The following HADHA variants were observed in gnomAD, a reference collection of about 807,000 sequenced individuals.
HADHA encodes the protein hydroxyacyl-CoA dehydrogenase trifunctional multienzyme complex subunit alpha.
In HADHA, 59 loss-of-function variants were observed where a neutral mutation model predicts 91.3. The ratio of observed to expected loss-of-function variants is 0.65; its 90% CI spans 0.52 to 0.80. The LOEUF is 0.80. HADHA is among the 30% of genes least tolerant of loss of function. The pLI is 0.00. For synonymous variants in HADHA, 320 were observed against 338.9 expected, an observed-to-expected ratio of 0.94 and a Z score of 0.61; for missense variants, 800 against 927.6, an observed-to-expected ratio of 0.86 and a Z score of 1.79.
chr2:26,194,327 G>A (rs995894178), intron 16 of HADHA, among the ~76,000 whole-genome samples: 4 of 152,146 alleles, frequency 2.6e-5, no homozygotes, highest in African/African-American at 9.7e-5. Flanking sequence ...CTGGGGGGTG[G>A]GGTGCCTTTA....
At chr2:26,201,876 C>CCTCTTGTCTCCTGG (rs1297264096) in intron 12 of HADHA, among the ~76,000 whole-genome samples, 1 of 151,804 alleles carries the variant, frequency 6.6e-6, no homozygotes. Context: ...CTCACTGCAA[C>CCTCTTGTCTCCTGG]CTCTTGTCTC....
intron 7 of HADHA, among the ~76,000 whole-genome samples, chr2:26,223,344 A>G (rs1670418349): frequency 6.6e-6 from 1 of 152,194 alleles, no homozygotes; most frequent in Non-Finnish European, 1.5e-5. Context: ...GGTGTCCCTT[A>G]GTACTAACAT....
intron 11 of HADHA, among the ~76,000 whole-genome samples, chr2:26,208,229 T>A (rs1204101633): frequency 6.6e-6 from 1 of 152,152 alleles, no homozygotes; most frequent in Admixed American, 6.5e-5. Flanking sequence ...GCATTGTGGT[T>A]GTTTTTTGGG....
chr2:26,236,804 AAC>A (rs751579483), intron 4 of HADHA, 49 bp downstream of exon 4: 15 of 1,431,630 alleles, frequency 1.0e-5, no homozygotes, highest in Non-Finnish European at 1.4e-5. Context: ...AGGCCTAAGA[AAC>A]ACACTATTAA....
At position 26,195,125 on chromosome 2, in the gene HADHA, A is replaced by G. The variant is rs1239205010; in HGVS notation, c.1587T>C (p.Gly529=). ...KDTSASAVAV[G]LKQGKVIIVV... ...CAATGATGACCTTCCCCTGCTTGAG[A>G]CCAACTGCTACAGCTGAAGCACTGG... Residue 529 remains glycine (G), a synonymous_variant, in exon 15 of 20, where the codon GGT becomes GGC. Coordinates refer to ENST00000380649, the MANE Select transcript of HADHA (RefSeq NM_000182.5). 3 of 1,613,084 alleles carry G rather than the reference A, an allele frequency of 1.9e-6. No homozygotes were observed. Among genetic ancestry groups the G allele is most frequent in the South Asian group, 1.1e-5 (1 of 91,048 alleles).
chr2:26,219,377 C>T (rs977041839), intron 7 of HADHA, among the ~76,000 whole-genome samples: 8 of 152,290 alleles, frequency 5.3e-5, no homozygotes, highest in African/African-American at 1.7e-4. Context: ...TTGTCCACCT[C>T]GGCCTCCCGA....
At position 26,195,247 on chromosome 2, in the gene HADHA, C is replaced by A. The variant is rs1227683606; in HGVS notation, c.1480-15G>T. On this transcript the variant is annotated splice_polypyrimidine_tract_variant and intron_variant, in intron 14 of 19. Coordinates refer to ENST00000380649, the MANE Select transcript of HADHA (RefSeq NM_000182.5). ...ATGCCAATCACCTGGCAAGGGGAAC[C>A]AAAAGCCAACAGATCGGAGAATGCG... The A allele has an allele frequency of 4.4e-6, 7 of 1,608,408 alleles. No individual in the cohort carries two copies. Among genetic ancestry groups the A allele is most frequent in the Admixed American group, 1.7e-5 (1 of 59,966 alleles).
At chr2:26,212,435 G>A in intron 10 of HADHA, 135 bp downstream of exon 10, 11 of 707,382 alleles carry the variant, frequency 1.6e-5, no homozygotes, top group South Asian at 1.5e-4. Flanking sequence ...TTAATCATAA[G>A]AGATGATAAG....
intron 12 of HADHA, among the ~76,000 whole-genome samples, chr2:26,201,961 AT>A (rs36063094): frequency 0.65 from 88,843 of 137,200 alleles, 29,698 homozygotes; most frequent in Non-Finnish European, 0.71. Context: ...CGCCTGGCTA[AT>A]TTTTTTTTTT....
chr2:26,222,312 A>T (rs892362039), intron 7 of HADHA, among the ~76,000 whole-genome samples: 1 of 152,208 alleles, frequency 6.6e-6, no homozygotes, highest in African/African-American at 2.4e-5. Context: ...GCGAGAAAAC[A>T]TGTTAAGTTT....
At chr2:26,241,605 C>A (rs1670891759) in intron 1 of HADHA, among the ~76,000 whole-genome samples, 1 of 151,656 alleles carries the variant, frequency 6.6e-6, no homozygotes, top group Non-Finnish European at 1.5e-5. Context: ...GAGCCAAGAG[C>A]GCACCATTGC....
intron 7 of HADHA, among the ~76,000 whole-genome samples, chr2:26,219,330 GT>G (rs1670314413): frequency 6.6e-6 from 1 of 152,028 alleles, no homozygotes; most frequent in African/African-American, 2.4e-5. Context: ...GTTTCACCAT[GT>G]TAGCCAGGAC....
intron 7 of HADHA, among the ~76,000 whole-genome samples, chr2:26,224,279 A>C (rs4665324): frequency 0.83 from 126,173 of 152,260 alleles, 52,760 homozygotes; most frequent in African/African-American, 0.96. Flanking sequence ...TAAACTATCA[A>C]AGTAAGTGAA....
chr2:26,199,044 G>A (rs1162870043), intron 13 of HADHA, among the ~76,000 whole-genome samples: 1 of 152,006 alleles, frequency 6.6e-6, no homozygotes, highest in Non-Finnish European at 1.5e-5. Context: ...ACAGGCACCT[G>A]CCACCATGCC....
chr2:26,191,472 G>T lies in HADHA; in HGVS notation c.2146+11C>A. 1 of 1,614,156 alleles carries T rather than the reference G, an allele frequency of 6.2e-7. No individual in the cohort carries two copies. The highest frequency in any genetic ancestry group is 1.1e-5 in the South Asian group (1 of 91,088). ...CTAAAGTGAGCTTCCTTCCCAACCTGCGAGACCAACCTCCCAGACAAGGCG... is the reference window on the plus strand; with the variant it reads ...CTAAAGTGAGCTTCCTTCCCAACCTTCGAGACCAACCTCCCAGACAAGGCG... On this transcript the variant is annotated intron_variant, in intron 19 of 19. Transcript: ENST00000380649.
At chr2:26,218,019 A>C (rs1245716593) in intron 7 of HADHA, among the ~76,000 whole-genome samples, 3 of 152,160 alleles carry the variant, frequency 2.0e-5, no homozygotes, top group Admixed American at 1.3e-4. Context: ...CAAAAGAAAA[A>C]CATTAGCCGG....
At chr2:26,196,029 TACA>T (rs1198264495) in intron 14 of HADHA, among the ~76,000 whole-genome samples, 2 of 152,236 alleles carry the variant, frequency 1.3e-5, no homozygotes, top group South Asian at 2.1e-4. Flanking sequence ...AGCTATAAGG[TACA>T]ACAAGTGATA....
Position 26,195,216 on chromosome 2 carries a change from T to C in HADHA, c.1496A>G (p.Tyr499Cys), listed in dbSNP as rs766392674. The change falls in exon 15 of 20, where the codon TAC becomes TGC. Residue 499 changes from tyrosine to cysteine, a missense_variant. Transcript: ENST00000380649. ...KRPEKVIGMHYFSPVDKMQLL... is the reference protein window; with the variant it reads ...KRPEKVIGMHCFSPVDKMQLL... The stretch of plus-strand genomic sequence containing the variant: ...CTGCATCTTGTCCACGGGAGAGAAG[T>C]AGTGCATGCCAATCACCTGGCAAGG... 6.2e-6 allele frequency: 10 copies of C among 1,613,036 alleles called. No individual in the cohort carries two copies. The highest frequency in any genetic ancestry group is 1.3e-5 in the African/African-American group (1 of 74,924).
intron 14 of HADHA, among the ~76,000 whole-genome samples, chr2:26,197,095 G>A (rs1669696626): frequency 6.6e-6 from 1 of 152,210 alleles, no homozygotes; most frequent in African/African-American, 2.4e-5. Flanking sequence ...GGCTGGTTCT[G>A]GTTAGCAGAG....
Sources: allele counts gnomAD v4.1 joint callset (sites outside exome capture counted in the v4.1 genomes callset), GRCh38; gene constraint gnomAD v4.1.1; transcripts MANE v1.5; gene names NCBI Gene and HGNC (gene_info 2026-07-23, HGNC 2026-07-21).